The following RAB6B variants were observed in gnomAD, a reference collection of about 807,000 sequenced individuals.
RAB6B encodes the protein RAB6B, member RAS oncogene family, also known as ras-related protein Rab-6B.
A neutral mutation model predicts 31.2 loss-of-function variants in RAB6B; 7 were observed. That is an observed-to-expected ratio of 0.22 (90% CI 0.13 to 0.42). RAB6B has a LOEUF of 0.42. Among genes scored for constraint, RAB6B ranks in the 10% least tolerant of loss-of-function variants. RAB6B has a pLI of 1.00. For synonymous variants in RAB6B, 105 were observed against 104.9 expected, an observed-to-expected ratio of 1.00 and a Z score of -0.01; for missense variants, 149 against 280.6, an observed-to-expected ratio of 0.53 and a Z score of 3.35.
intron 1 of RAB6B, among the ~76,000 whole-genome samples, chr3:133,893,225 G>T (rs964503210): frequency 3.9e-5 from 6 of 152,206 alleles, no homozygotes; most frequent in Admixed American, 2.0e-4. Context: ...CCAGTTGTTG[G>T]CTTCCCCAAT....
Position 133,841,268 on chromosome 3 carries a change from A to G in RAB6B, c.289+17T>C. Reference sequence around the variant, plus strand: ...CCCCTATGAGCCACCCTCCCTTAGGAGCAGAGCCTCACTCACTTGTGATGT... The same window carrying G: ...CCCCTATGAGCCACCCTCCCTTAGGGGCAGAGCCTCACTCACTTGTGATGT... On this transcript the variant is annotated intron_variant, in intron 4 of 7. Transcript: ENST00000285208. 6.2e-7 allele frequency: 1 copy of G among 1,613,426 alleles called. No individual in the cohort carries two copies. Among genetic ancestry groups the G allele is most frequent in the Non-Finnish European group, 8.5e-7 (1 of 1,179,480 alleles).
intron 1 of RAB6B, among the ~76,000 whole-genome samples, chr3:133,876,992 A>ATATATATAT (rs1364271964): frequency 6.6e-6 from 1 of 152,230 alleles, no homozygotes. Flanking sequence ...ACCAAAAGAC[A>ATATATATAT]GACAAGATAT....
chr3:133,855,836 T>C (rs1433950481), intron 2 of RAB6B, among the ~76,000 whole-genome samples: 2 of 152,216 alleles, frequency 1.3e-5, no homozygotes, highest in Non-Finnish European at 2.9e-5. Context: ...TCCTACTCCC[T>C]TGCTTGACTA....
intron 4 of RAB6B, among the ~76,000 whole-genome samples, 185 bp from the exon 5 acceptor site, chr3:133,839,802 C>G (rs376005224): frequency 6.6e-6 from 1 of 152,150 alleles, no homozygotes; most frequent in Non-Finnish European, 1.5e-5. Context: ...CCGGGCCCTG[C>G]CCTGCGGCCC....
chr3:133,873,300 G>T (rs922293180), intron 1 of RAB6B, among the ~76,000 whole-genome samples: 4 of 152,230 alleles, frequency 2.6e-5, no homozygotes, highest in Admixed American at 6.5e-5. Context: ...CAGCTCTGTG[G>T]TTGCTGGGGA....
At chr3:133,838,327 A>G in intron 5 of RAB6B, 68 bp from the exon 6 acceptor site, 6 of 1,437,952 alleles carry the variant, frequency 4.2e-6, no homozygotes, top group Non-Finnish European at 5.9e-6. Flanking sequence ...ATGAGGAGGG[A>G]CCCACCCAGC....
At chr3:133,881,588 G>A (rs1055143059) in intron 1 of RAB6B, among the ~76,000 whole-genome samples, 2 of 152,200 alleles carry the variant, frequency 1.3e-5, no homozygotes, top group South Asian at 2.1e-4. Flanking sequence ...AGAAAATCAC[G>A]TCATGGCAAG....
chr3:133,871,337 T>C (rs1476451321), intron 1 of RAB6B, among the ~76,000 whole-genome samples: 2 of 152,170 alleles, frequency 1.3e-5, no homozygotes, highest in Non-Finnish European at 2.9e-5. Context: ...AGTAACCTCC[T>C]GAAAAAGGCA....
intron 1 of RAB6B, among the ~76,000 whole-genome samples, chr3:133,876,788 C>T (rs1416724790): frequency 6.6e-6 from 1 of 152,164 alleles, no homozygotes; most frequent in Non-Finnish European, 1.5e-5. Flanking sequence ...GGCAAGTCTA[C>T]ATATTTATAC....
intron 2 of RAB6B, among the ~76,000 whole-genome samples, chr3:133,855,020 T>C (rs2107998414): frequency 6.6e-6 from 1 of 152,394 alleles, no homozygotes; most frequent in Admixed American, 6.5e-5. Context: ...TCTTTTAGCC[T>C]TGGCCAGGCC....
chr3:133,857,284 G>C (rs925799792), intron 2 of RAB6B, among the ~76,000 whole-genome samples: 1 of 152,054 alleles, frequency 6.6e-6, no homozygotes, highest in Non-Finnish European at 1.5e-5. Context: ...CACTGGTTTA[G>C]GTGATAGACG....
chr3:133,854,457 C>A (rs550172282), intron 2 of RAB6B, among the ~76,000 whole-genome samples: 1 of 152,240 alleles, frequency 6.6e-6, no homozygotes, highest in Admixed American at 6.5e-5. Context: ...CTATGACCCT[C>A]CTCTCCCTCC....
At chr3:133,857,482 T>C (rs1373725510) in intron 2 of RAB6B, among the ~76,000 whole-genome samples, 1 of 149,938 alleles carries the variant, frequency 6.7e-6, no homozygotes, top group African/African-American at 2.5e-5. Context: ...TGAATCCTCC[T>C]TGGCGTGTGC....
At chr3:133,858,527 C>G (rs1936114284) in intron 2 of RAB6B, among the ~76,000 whole-genome samples, 1 of 152,170 alleles carries the variant, frequency 6.6e-6, no homozygotes, top group African/African-American at 2.4e-5. Context: ...AGATGGCTGT[C>G]CCTTCCTGTG....
chr3:133,848,915 C>T (rs1935941759), intron 2 of RAB6B, among the ~76,000 whole-genome samples: 1 of 152,118 alleles, frequency 6.6e-6, no homozygotes, highest in Non-Finnish European at 1.5e-5. Context: ...GATCTACTGC[C>T]TCTAAGAGAT....
chr3:133,894,937 C>T (rs1197277305), intron 1 of RAB6B, among the ~76,000 whole-genome samples: 1 of 152,226 alleles, frequency 6.6e-6, no homozygotes, highest in East Asian at 1.9e-4. Context: ...TCCAGTGCAG[C>T]GGAGTGAGGC....
intron 6 of RAB6B, 138 bp downstream of exon 6, chr3:133,838,028 G>A (rs910083417): frequency 3.3e-5 from 28 of 838,652 alleles, no homozygotes; most frequent in East Asian, 2.7e-4. Context: ...CTCCCTGGGC[G>A]CATCTATGGG....
intron 1 of RAB6B, among the ~76,000 whole-genome samples, chr3:133,888,985 G>C (rs908309380): frequency 6.6e-6 from 1 of 152,072 alleles, no homozygotes; most frequent in African/African-American, 2.4e-5. Flanking sequence ...GAGCTCCCTC[G>C]GCTTCTCTTC....
intron 2 of RAB6B, among the ~76,000 whole-genome samples, chr3:133,856,731 T>C (rs181634401): frequency 3.6e-4 from 55 of 152,280 alleles, no homozygotes; most frequent in African/African-American, 1.1e-3. Context: ...ATAAGTAAGT[T>C]CTTAGATGCC....
Sources: allele counts gnomAD v4.1 joint callset (sites outside exome capture counted in the v4.1 genomes callset), GRCh38; gene constraint gnomAD v4.1.1; transcripts MANE v1.5; gene names NCBI Gene and HGNC (gene_info 2026-07-23, HGNC 2026-07-21).